MYT1L: variants seen among roughly 807,000 people sequenced by gnomAD.
The protein encoded by MYT1L is myelin transcription factor 1-like protein.
A neutral mutation model predicts 126.7 loss-of-function variants in MYT1L; 12 were observed. That is an observed-to-expected ratio of 0.09 (90% CI 0.06 to 0.15). MYT1L has a LOEUF of 0.15. Ranked by LOEUF, MYT1L falls within the 10% of genes least tolerant of loss-of-function variation. The pLI, the probability that MYT1L is intolerant of heterozygous loss-of-function variation, is 1.00. For synonymous variants in MYT1L, 541 were observed against 604.2 expected, an observed-to-expected ratio of 0.90 and a Z score of 1.53; for missense variants, 979 against 1,585.2, an observed-to-expected ratio of 0.62 and a Z score of 6.49.
At chr2:2,045,023 T>C (rs1431324409) in intron 4 of MYT1L, among the ~76,000 whole-genome samples, 1 of 152,166 alleles carries the variant, frequency 6.6e-6, no homozygotes. Context: ...TTATGGTCCA[T>C]TTCCATGTAA....
In MYT1L at chr2:1,790,122, A is replaced by G. The variant is rs2147768714; in HGVS notation, c.*1745T>C. On this transcript the variant is annotated 3_prime_UTR_variant, in exon 25 of 25. Coordinates refer to ENST00000647738, the MANE Select transcript of MYT1L (RefSeq NM_001303052.2). ...AGGCTACTGACACGAGGAATTGCAC[A>G]CCTCCGTACGGATATATAGGACAAG... is the stretch of plus-strand genomic sequence containing the variant. 1 of 152,236 alleles carries G rather than the reference A, an allele frequency of 6.6e-6. No individual in the cohort carries two copies. The highest frequency in any genetic ancestry group is 2.4e-5 in the African/African-American group (1 of 41,552). 9.4% of individuals were successfully genotyped at this position (152,236 alleles called of 1,614,324 possible).
intron 5 of MYT1L, among the ~76,000 whole-genome samples, chr2:1,993,657 G>T (rs548621996): frequency 7.2e-5 from 11 of 152,254 alleles, no homozygotes; most frequent in African/African-American, 2.2e-4. Context: ...TTACAAAAAT[G>T]ATTACATGTA....
chr2:1,911,381 GA>G (rs896465759), intron 12 of MYT1L, among the ~76,000 whole-genome samples: 3 of 151,004 alleles, frequency 2.0e-5, no homozygotes, highest in African/African-American at 7.3e-5. Context: ...TGGCCTCTGG[GA>G]AAAAAAAAGT....
chr2:1,861,897 A>AGCCTGTGTAATTCTAGATCTGCCTG (rs2044697129), intron 18 of MYT1L, among the ~76,000 whole-genome samples: 3 of 4,366 alleles, frequency 6.9e-4, no homozygotes, highest in Admixed American at 2.2e-3. Context: ...GGATCCTCCT[A>AGCCTGTGTAATTCTAGATCTGCCTG]CAGCCTGTGT....
In MYT1L at chr2:2,093,469, T is replaced by C. The variant is rs1895138; in HGVS notation, c.-303-39346A>G. 3.9e-3 allele frequency among the ~76,000 whole-genome samples: 601 copies of C among 152,326 alleles called. 2 individuals carry two copies. The highest frequency in any genetic ancestry group is 0.014 in the African/African-American group (583 of 41,564). ...TGATGAGCATTTTTTCATGTGTCTT[T>C]TGGCTGCATAAATGTCTTCTTTTGA... On this transcript the variant is annotated intron_variant, in intron 3 of 24. Transcript: ENST00000647738.
intron 2 of MYT1L, among the ~76,000 whole-genome samples, chr2:2,281,934 A>G (rs2095452942): frequency 6.6e-6 from 1 of 152,208 alleles, no homozygotes; most frequent in South Asian, 2.1e-4. Flanking sequence ...GGTAGGTGGC[A>G]TGGGGGCAGA....
rs114231469 is a variant in MYT1L at position 2,241,433 on chromosome 2, G to A, written c.-421+42971C>T. Among the ~76,000 whole-genome samples the A allele has an allele frequency of 2.0e-3, 308 of 152,194 alleles. 1 individual carries two copies. The highest frequency in any genetic ancestry group is 3.4e-3 in the Non-Finnish European group (232 of 68,008). ...AACGCTCCTCTCTCCTCAGTTCTCC[G>A]GCACTGCTCTGAGCTGCCTGTCCAC... is the stretch of plus-strand genomic sequence containing the variant. On this transcript the variant is annotated intron_variant, in intron 2 of 24. Transcript: ENST00000647738.
chr2:2,289,062 A>T (rs1292937224), intron 1 of MYT1L, among the ~76,000 whole-genome samples: 1 of 152,172 alleles, frequency 6.6e-6, no homozygotes, highest in Non-Finnish European at 1.5e-5. Context: ...GTAGGTCAAG[A>T]TTCCTTATCA....
Position 1,803,669 on chromosome 2 carries a change from T to C in MYT1L, c.3173-1870A>G, listed in dbSNP as rs371864547. ...TCTGCTCTGTCCTGGGGGACCACCC[T>C]CAGGCCCAAGTGGTCACCAACAGCC... On this transcript the variant is annotated intron_variant, in intron 22 of 24. Coordinates refer to ENST00000647738, the MANE Select transcript of MYT1L (RefSeq NM_001303052.2). Among the ~76,000 whole-genome samples the C allele has an allele frequency of 3.1e-4, 47 of 152,314 alleles. 1 individual carries two copies. Among genetic ancestry groups the C allele is most frequent in the Middle Eastern group, 3.4e-3 (1 of 294 alleles).
intron 3 of MYT1L, among the ~76,000 whole-genome samples, chr2:2,086,111 A>G (rs2076327460): frequency 6.6e-6 from 1 of 152,198 alleles, no homozygotes; most frequent in Non-Finnish European, 1.5e-5. Context: ...TGCTTATAAC[A>G]TGCCTCTGTC....
rs917940526 is a variant in MYT1L at position 1,808,347 on chromosome 2, C to A, written c.3172+729G>T. 2.0e-5 allele frequency among the ~76,000 whole-genome samples: 3 copies of A among 152,198 alleles called. No individual in the cohort carries two copies. The East Asian group carries it at 5.8e-4, about 29-fold the overall frequency. The stretch of plus-strand genomic sequence containing the variant: ...TTTTCTCTGTGAGGCACATCACAGC[C>A]CCCTGCCCTTAGGAACACCAGACAC... On this transcript the variant is annotated intron_variant, in intron 22 of 24. Transcript: ENST00000647738.
chr2:1,994,108 A>ATTTTTTCC (rs2061644158), intron 5 of MYT1L, among the ~76,000 whole-genome samples: 1 of 152,198 alleles, frequency 6.6e-6, no homozygotes, highest in Admixed American at 6.5e-5. Flanking sequence ...TCCCATGTAT[A>ATTTTTTCC]CATAAACGTT....
chr2:1,807,520 G>A (rs2035904350), intron 22 of MYT1L, among the ~76,000 whole-genome samples: 1 of 152,164 alleles, frequency 6.6e-6, no homozygotes, highest in Non-Finnish European at 1.5e-5. Context: ...AGGTCTGGGA[G>A]CCTTCAGCCC....
At chr2:1,897,036 T>G (rs1298582532) in intron 14 of MYT1L, among the ~76,000 whole-genome samples, 2 of 152,232 alleles carry the variant, frequency 1.3e-5, no homozygotes, top group African/African-American at 2.4e-5. Flanking sequence ...GTGACTGAAC[T>G]GTCAAGAGTC....
At chr2:2,004,224 G>GGCGTTCTTTCCTGCAT (rs2062811626) in intron 4 of MYT1L, among the ~76,000 whole-genome samples, 1 of 76,028 alleles carries the variant, frequency 1.3e-5, no homozygotes, top group African/African-American at 4.9e-5. Context: ...CTTTCCTGCA[G>GGCGTTCTTTCCTGCAT]GCGTTCTTTC....
At chr2:1,868,586 G>T (rs1412456122) in intron 18 of MYT1L, among the ~76,000 whole-genome samples, 8 of 152,206 alleles carry the variant, frequency 5.3e-5, no homozygotes, top group African/African-American at 1.9e-4. Context: ...CCGAAGGCAG[G>T]GCAGGCGTCC....
At position 1,898,474 on chromosome 2, in the gene MYT1L, C is replaced by T. The variant is rs142308764; in HGVS notation, c.2032+4606G>A. ...TAGAGTTGAGCTGATGTCCAAAGGGCGTCGAGGTCCAGGTTTCAGGCTCTC... is the reference window on the plus strand; with the variant it reads ...TAGAGTTGAGCTGATGTCCAAAGGGTGTCGAGGTCCAGGTTTCAGGCTCTC... On this transcript the variant is annotated intron_variant, in intron 14 of 24. Coordinates refer to ENST00000647738, the MANE Select transcript of MYT1L (RefSeq NM_001303052.2). 1.8e-3 allele frequency among the ~76,000 whole-genome samples: 272 copies of T among 152,348 alleles called. 1 individual carries two copies. Among genetic ancestry groups the T allele is most frequent in the African/African-American group, 6.3e-3 (264 of 41,592 alleles).
At chr2:1,800,261 A>G (rs1289627703) in intron 23 of MYT1L, 1 of 152,438 alleles carries the variant, frequency 6.6e-6, no homozygotes, top group East Asian at 1.9e-4. Flanking sequence ...GGGGTGAGGA[A>G]TGCCACAGGC....
intron 2 of MYT1L, among the ~76,000 whole-genome samples, chr2:2,174,664 C>G (rs1242564503): frequency 6.6e-6 from 1 of 151,256 alleles, no homozygotes; most frequent in Non-Finnish European, 1.5e-5. Flanking sequence ...AACTGGGTCC[C>G]TACTTCCTCA....
Sources: gnomAD v4.1 joint callset for allele counts (sites outside exome capture counted in the v4.1 genomes callset) on GRCh38, gnomAD v4.1.1 for gene constraint, MANE v1.5 for transcripts, NCBI Gene and HGNC (gene_info 2026-07-23, HGNC 2026-07-21) for gene names.